The following RRAS2 variants were observed in gnomAD, a reference collection of about 807,000 sequenced individuals.
RRAS2 encodes the protein ras-related protein R-Ras2.
In RRAS2, 7 loss-of-function variants were observed where a neutral mutation model predicts 27.6. The observed-to-expected ratio is 0.25, with a 90% CI of 0.14 to 0.48. The LOEUF is 0.48. Among genes scored for constraint, RRAS2 ranks in the 20% least tolerant of loss-of-function variants. The pLI is 0.99. For synonymous variants in RRAS2, 86 were observed against 90.9 expected (o/e 0.95, Z 0.31); for missense variants, 178 against 256.2 (o/e 0.69, Z 2.08).
chr11:14,296,255 A>G (rs570612088), intron 1 of RRAS2, among the ~76,000 whole-genome samples: 15 of 152,288 alleles, frequency 9.8e-5, no homozygotes, highest in African/African-American at 3.1e-4. Flanking sequence ...CAATGTACCA[A>G]TGTAACTTTG....
chr11:14,331,673 T>TAAA (rs80130992), intron 1 of RRAS2, among the ~76,000 whole-genome samples: 18 of 81,572 alleles, frequency 2.2e-4, no homozygotes, highest in South Asian at 1.6e-3. Flanking sequence ...CCCCAACTCT[T>TAAA]AAAAAAAAAA....
At chr11:14,294,694 C>T in intron 3 of RRAS2, 66 bp downstream of exon 3, 16 of 1,544,450 alleles carry the variant, frequency 1.0e-5, no homozygotes, top group Non-Finnish European at 1.3e-5. Flanking sequence ...AACAAAAAGT[C>T]CAAACTCAAT....
chr11:14,290,536 T>C (rs983941044), intron 4 of RRAS2, among the ~76,000 whole-genome samples: 2 of 152,042 alleles, frequency 1.3e-5, no homozygotes, highest in Non-Finnish European at 2.9e-5. Flanking sequence ...CCCCTAAGGG[T>C]GGGAGATAAG....
At chr11:14,336,941 T>C (rs1467145656) in intron 1 of RRAS2, 2 of 151,996 alleles carry the variant, frequency 1.3e-5, no homozygotes, top group Admixed American at 1.3e-4. Context: ...ACATCATAAT[T>C]AAACTTCTAA....
chr11:14,355,171 A>C (rs78373657), intron 1 of RRAS2, among the ~76,000 whole-genome samples: 1 of 152,044 alleles, frequency 6.6e-6, no homozygotes, highest in Admixed American at 6.6e-5. Flanking sequence ...AAAAAAAAAA[A>C]CACTCCTAGA....
intron 1 of RRAS2, among the ~76,000 whole-genome samples, chr11:14,332,485 G>C (rs1554952047): frequency 6.6e-6 from 1 of 152,094 alleles, no homozygotes; most frequent in Non-Finnish European, 1.5e-5. Context: ...CTCAGCAACA[G>C]AATGAGACCT....
chr11:14,323,205 G>C (rs1458407316), intron 1 of RRAS2, among the ~76,000 whole-genome samples: 1 of 152,176 alleles, frequency 6.6e-6, no homozygotes, highest in Non-Finnish European at 1.5e-5. Context: ...CCAACACTTT[G>C]GGAGGCTGAG....
chr11:14,292,738 G>A (rs900177893), intron 4 of RRAS2, among the ~76,000 whole-genome samples: 11 of 152,032 alleles, frequency 7.2e-5, no homozygotes, highest in African/African-American at 1.9e-4. Context: ...AGATTTGAAC[G>A]AGATTTAGCA....
Position 14,308,454 on chromosome 11 carries a change from T to C in RRAS2, c.109-12599A>G, listed in dbSNP as rs368485610. On this transcript the variant is annotated intron_variant, in intron 1 of 5. Transcript: ENST00000256196. ...TGGCTCTCACCTATAAATGAGGGGT[T>C]TGCCCTTCATGACCTCTTTAAGACT... The C allele has an allele frequency of 6.2e-5, 14 of 226,372 alleles. No individual in the cohort carries two copies. The East Asian group carries it at 1.1e-3, about 18-fold the overall frequency. 14.0% of individuals were successfully genotyped at this position (226,372 alleles called of 1,614,324 possible). A position where few individuals can be genotyped will look rare whatever the true frequency, so the allele number is the denominator to read the frequency against.
At chr11:14,290,044 C>T (rs1347245738) in intron 4 of RRAS2, among the ~76,000 whole-genome samples, 3 of 152,130 alleles carry the variant, frequency 2.0e-5, no homozygotes, top group Non-Finnish European at 2.9e-5. Flanking sequence ...TCTGAACAGG[C>T]GGAAAGAAGC....
intron 4 of RRAS2, among the ~76,000 whole-genome samples, chr11:14,283,337 A>G (rs1330619008): frequency 6.6e-6 from 1 of 152,098 alleles, no homozygotes; most frequent in Non-Finnish European, 1.5e-5. Context: ...AAGAATCTTT[A>G]TATCTGTGTT....
chr11:14,282,458 G>T (rs960725600), intron 4 of RRAS2, among the ~76,000 whole-genome samples: 3 of 152,146 alleles, frequency 2.0e-5, no homozygotes, highest in Non-Finnish European at 4.4e-5. Context: ...GTCAGAATAA[G>T]AAAACATAAA....
At chr11:14,324,881 T>C (rs1848315950) in intron 1 of RRAS2, among the ~76,000 whole-genome samples, 1 of 152,050 alleles carries the variant, frequency 6.6e-6, no homozygotes, top group African/African-American at 2.4e-5. Context: ...GAAGAGCAGA[T>C]CATAGGGGAA....
intron 1 of RRAS2, among the ~76,000 whole-genome samples, chr11:14,297,780 TA>T (rs1429861539): frequency 2.6e-5 from 4 of 152,278 alleles, no homozygotes; most frequent in African/African-American, 9.6e-5. Context: ...AAATTTTTTT[TA>T]AATTAAAATT....
chr11:14,280,082 C>T (rs1205360802), intron 5 of RRAS2, among the ~76,000 whole-genome samples: 2 of 152,128 alleles, frequency 1.3e-5, no homozygotes, highest in Non-Finnish European at 2.9e-5. Flanking sequence ...TAAGAAGGCA[C>T]TGCCTCATCA....
intron 1 of RRAS2, among the ~76,000 whole-genome samples, chr11:14,306,307 T>C (rs1847828970): frequency 6.6e-6 from 1 of 152,134 alleles, no homozygotes; most frequent in South Asian, 2.1e-4. Flanking sequence ...GAAATATGAT[T>C]TACAAATATT....
At chr11:14,331,610 G>A (rs1483008177) in intron 1 of RRAS2, among the ~76,000 whole-genome samples, 1 of 150,758 alleles carries the variant, frequency 6.6e-6, no homozygotes, top group Non-Finnish European at 1.5e-5. Context: ...AGACTGGCGG[G>A]AGGATCACTT....
At chr11:14,283,397 T>C (rs1204399981) in intron 4 of RRAS2, among the ~76,000 whole-genome samples, 4 of 152,174 alleles carry the variant, frequency 2.6e-5, no homozygotes, top group African/African-American at 9.7e-5. Context: ...CTGGTTTGGG[T>C]TTCTGAGTGC....
At chr11:14,329,174 G>T (rs750673382) in intron 1 of RRAS2, among the ~76,000 whole-genome samples, 2 of 151,404 alleles carry the variant, frequency 1.3e-5, no homozygotes, top group African/African-American at 2.4e-5. Context: ...CCAATGGCGC[G>T]ATCTCAGCTC....
Sources: allele counts gnomAD v4.1 joint callset (sites outside exome capture counted in the v4.1 genomes callset), GRCh38; gene constraint gnomAD v4.1.1; transcripts MANE v1.5; gene names NCBI Gene and HGNC (gene_info 2026-07-23, HGNC 2026-07-21).